The following NELL2 variants were observed in gnomAD, a reference collection of about 807,000 sequenced individuals.
NELL2 encodes the protein neural EGFL like 2.
NELL2 carries 41 observed loss-of-function variants against 109.6 expected under a neutral mutation model. The observed-to-expected ratio is 0.37, with a 90% CI of 0.29 to 0.49. The LOEUF is 0.49. Among genes scored for constraint, NELL2 ranks in the 20% least tolerant of loss-of-function variants. The pLI is 0.98. For missense variants in NELL2, 900 were observed against 1,008.3 expected, an observed-to-expected ratio of 0.89 and a Z score of 1.45; for synonymous variants, 355 against 344.7, an observed-to-expected ratio of 1.03 and a Z score of -0.33.
intron 9 of NELL2, among the ~76,000 whole-genome samples, chr12:44,752,936 G>C (rs1297114787): frequency 6.6e-6 from 1 of 152,084 alleles, no homozygotes; most frequent in African/African-American, 2.4e-5. Flanking sequence ...TAAGATTTCA[G>C]GTCCCCAGAA....
intron 9 of NELL2, among the ~76,000 whole-genome samples, chr12:44,739,130 T>C (rs1334411844): frequency 1.3e-5 from 2 of 152,184 alleles, no homozygotes; most frequent in South Asian, 4.1e-4. Flanking sequence ...TGAATTCCAG[T>C]GTAAATTAAG....
At chr12:44,548,459 C>T (rs764331207) in intron 15 of NELL2, among the ~76,000 whole-genome samples, 14 of 151,492 alleles carry the variant, frequency 9.2e-5, no homozygotes, top group African/African-American at 2.7e-4. Flanking sequence ...TCAGGAGAAT[C>T]GCTTGAACCT....
At chr12:44,830,837 C>G (rs1943864097) in intron 2 of NELL2, among the ~76,000 whole-genome samples, 1 of 152,076 alleles carries the variant, frequency 6.6e-6, no homozygotes, top group African/African-American at 2.4e-5. Context: ...GCACACCCAT[C>G]TGCTTGGTTG....
At chr12:44,544,895 A>T (rs2061468492) in intron 15 of NELL2, among the ~76,000 whole-genome samples, 1 of 152,072 alleles carries the variant, frequency 6.6e-6, no homozygotes. Context: ...TGAAAGTACT[A>T]AAGTTGAGAT....
At chr12:44,756,903 C>A (rs942126492) in intron 9 of NELL2, among the ~76,000 whole-genome samples, 1 of 152,106 alleles carries the variant, frequency 6.6e-6, no homozygotes, top group Non-Finnish European at 1.5e-5. Context: ...ACCAATGACA[C>A]CCATATTTAT....
rs181114683 is a variant in NELL2, at chr12:44,859,585, C to A, written c.184+15640G>T. On this transcript the variant is annotated intron_variant, in intron 2 of 19. Transcript: ENST00000429094. ...ACAGGAGACATATCACACCATAAAGCCTTGTTGTCTAATGCCTCAGTTATC... is the reference window on the plus strand; with the variant it reads ...ACAGGAGACATATCACACCATAAAGACTTGTTGTCTAATGCCTCAGTTATC... Among the ~76,000 whole-genome samples the A allele has an allele frequency of 2.0e-5, 3 of 152,132 alleles. No individual in the cohort carries two copies. In the East Asian group the frequency reaches 5.8e-4, roughly 29 times the overall value.
intron 12 of NELL2, among the ~76,000 whole-genome samples, chr12:44,698,615 G>A (rs1949130791): frequency 6.6e-6 from 1 of 152,164 alleles, no homozygotes; most frequent in Admixed American, 6.5e-5. Context: ...ATGAATCCAA[G>A]AGAAACTAGG....
At chr12:44,758,382 T>C (rs1205830157) in intron 9 of NELL2, among the ~76,000 whole-genome samples, 1 of 152,222 alleles carries the variant, frequency 6.6e-6, no homozygotes, top group African/African-American at 2.4e-5. Context: ...AACTCCTAGT[T>C]ACTCTGCTTT....
At chr12:44,673,423 T>C (rs1211123664) in intron 12 of NELL2, among the ~76,000 whole-genome samples, 2 of 152,212 alleles carry the variant, frequency 1.3e-5, no homozygotes, top group Non-Finnish European at 1.5e-5. Context: ...AGGCATTTTA[T>C]TGGATTTTCT....
At chr12:44,766,637 C>T (rs1395694270) in intron 9 of NELL2, among the ~76,000 whole-genome samples, 1 of 152,102 alleles carries the variant, frequency 6.6e-6, no homozygotes, top group Non-Finnish European at 1.5e-5. Context: ...ATTGGGTCTC[C>T]TATGAATGAT....
At chr12:44,712,199 G>T (rs1457187864) in intron 10 of NELL2, among the ~76,000 whole-genome samples, 1 of 151,990 alleles carries the variant, frequency 6.6e-6, no homozygotes, top group Non-Finnish European at 1.5e-5. Context: ...CTTGGAACTT[G>T]CAAGCTTCCA....
intron 13 of NELL2, among the ~76,000 whole-genome samples, chr12:44,632,338 T>C (rs1002551375): frequency 6.6e-6 from 1 of 151,802 alleles, no homozygotes; most frequent in African/African-American, 2.4e-5. Context: ...AGAAAGGAAA[T>C]AAAAAGCAAT....
chr12:44,532,093 A>G (rs1189559709), intron 16 of NELL2, among the ~76,000 whole-genome samples: 1 of 152,218 alleles, frequency 6.6e-6, no homozygotes, highest in African/African-American at 2.4e-5. Context: ...TATGTATCCA[A>G]CATTCAACAA....
rs1417070436 is a variant in NELL2 at position 44,671,397 on chromosome 12, CAA to C, written c.1319-5790_1319-5789del. 2.6e-5 allele frequency among the ~76,000 whole-genome samples: 4 copies of C among 151,964 alleles called. No individual in the cohort carries two copies. In the East Asian group the frequency reaches 7.7e-4, roughly 29 times the overall value. On this transcript the variant is annotated intron_variant, in intron 12 of 19. Coordinates refer to ENST00000429094, the MANE Select transcript of NELL2 (RefSeq NM_001145108.2). ...CCTCAAGGAACTGCAAAAGTGAGAACAAACCAAACCCAAATTAGTAGAAGAAA... is the reference window on the plus strand; with the variant it reads ...CCTCAAGGAACTGCAAAAGTGAGAACACCAAACCCAAATTAGTAGAAGAAA...
At chr12:44,726,739 A>G (rs1012402988) in intron 9 of NELL2, among the ~76,000 whole-genome samples, 1 of 152,260 alleles carries the variant, frequency 6.6e-6, no homozygotes, top group East Asian at 1.9e-4. Context: ...GTACTTTTTT[A>G]GTAATTTTAG....
At chr12:44,634,654 T>A (rs778406647) in intron 13 of NELL2, among the ~76,000 whole-genome samples, 1 of 152,114 alleles carries the variant, frequency 6.6e-6, no homozygotes, top group Non-Finnish European at 1.5e-5. Flanking sequence ...TGTCTTTATA[T>A]TAGAATGATT....
At chr12:44,811,171 C>T (rs545856841) in intron 3 of NELL2, among the ~76,000 whole-genome samples, 1 of 151,460 alleles carries the variant, frequency 6.6e-6, no homozygotes, top group Non-Finnish European at 1.5e-5. Flanking sequence ...CACTGGGCCT[C>T]GCAAGGGGTC....
intron 2 of NELL2, among the ~76,000 whole-genome samples, chr12:44,833,615 T>C (rs1325854026): frequency 1.3e-5 from 2 of 152,200 alleles, no homozygotes; most frequent in East Asian, 3.9e-4. Flanking sequence ...TCAATGAATT[T>C]TCTTTTCCAA....
intron 11 of NELL2, among the ~76,000 whole-genome samples, chr12:44,707,356 G>A (rs1027048680): frequency 2.6e-5 from 4 of 152,204 alleles, no homozygotes; most frequent in Middle Eastern, 3.4e-3. Flanking sequence ...TGATATGAGC[G>A]TAAGAATGTA....
Sources: allele counts gnomAD v4.1 joint callset (sites outside exome capture counted in the v4.1 genomes callset), GRCh38; gene constraint gnomAD v4.1.1; transcripts MANE v1.5; gene names NCBI Gene and HGNC (gene_info 2026-07-23, HGNC 2026-07-21).